The following ZNF385D variants were observed in gnomAD, a reference collection of about 807,000 sequenced individuals.
ZNF385D encodes zinc finger protein 659.
Under a neutral mutation model 35.8 loss-of-function variants are expected in ZNF385D, and 15 were observed. The observed-to-expected ratio is 0.42, with a 90% CI of 0.28 to 0.64. The LOEUF is 0.64. ZNF385D is among the 30% of genes least tolerant of loss of function. ZNF385D has a pLI of 0.23. For synonymous variants in ZNF385D, 212 were observed against 186.8 expected (o/e 1.13, Z -1.10); for missense variants, 474 against 494.6 (o/e 0.96, Z 0.39).
intron 2 of ZNF385D, among the ~76,000 whole-genome samples, chr3:21,633,668 A>G (rs1343423590): frequency 6.6e-6 from 1 of 152,110 alleles, no homozygotes; most frequent in Non-Finnish European, 1.5e-5. Flanking sequence ...TAGGCAATCA[A>G]TAAATTCATT....
At chr3:21,854,621 G>C (rs2673514) in intron 3 of ZNF385D, among the ~76,000 whole-genome samples, 115,993 of 151,776 alleles carry the variant, frequency 0.76, 44,976 homozygotes, top group African/African-American at 0.89. Context: ...TGTACCTGTA[G>C]CAGCATCTTT....
At chr3:21,450,747 T>C (rs1333951956) in intron 4 of ZNF385D, among the ~76,000 whole-genome samples, 1 of 152,214 alleles carries the variant, frequency 6.6e-6, no homozygotes, top group Non-Finnish European at 1.5e-5. Flanking sequence ...AAATGTATTT[T>C]GTCTCACACA....
intron 3 of ZNF385D, among the ~76,000 whole-genome samples, chr3:21,774,730 A>G (rs1183819066): frequency 6.6e-6 from 1 of 151,934 alleles, no homozygotes; most frequent in Non-Finnish European, 1.5e-5. Flanking sequence ...GTAATTAAGA[A>G]TAACATGATT....
Position 21,508,031 on chromosome 3 carries a change from T to G in ZNF385D, c.439+2830A>C, listed in dbSNP as rs1039945566. Among the ~76,000 whole-genome samples, 8 of 152,258 alleles carry G rather than the reference T, an allele frequency of 5.3e-5. No homozygotes were observed. The East Asian group carries it at 1.4e-3, about 26-fold the overall frequency. Reference sequence around the variant, plus strand: ...TGTTTGTTTTTTTGTTTTGTTTTGTTTTTTCCTGATATAGGTCCTCATGGA... The same window carrying G: ...TGTTTGTTTTTTTGTTTTGTTTTGTGTTTTCCTGATATAGGTCCTCATGGA... On this transcript the variant is annotated intron_variant, in intron 4 of 7. Transcript: ENST00000281523.
At chr3:22,159,422 T>C (rs1415556718) in intron 3 of ZNF385D, among the ~76,000 whole-genome samples, 2 of 152,042 alleles carry the variant, frequency 1.3e-5, no homozygotes, top group Non-Finnish European at 2.9e-5. Context: ...GAGTAACCTA[T>C]TGGATGGATT....
chr3:21,438,547 T>C (rs1701691645), intron 4 of ZNF385D, among the ~76,000 whole-genome samples: 1 of 152,078 alleles, frequency 6.6e-6, no homozygotes, highest in Admixed American at 6.6e-5. Context: ...TGGGTAAGGT[T>C]TTTCATTGCT....
intron 1 of ZNF385D, among the ~76,000 whole-genome samples, chr3:21,741,723 C>T (rs747556769): frequency 2.6e-5 from 4 of 151,948 alleles, no homozygotes; most frequent in Non-Finnish European, 5.9e-5. Context: ...AAATCAATAC[C>T]GAATTCCTCT....
intron 2 of ZNF385D, among the ~76,000 whole-genome samples, chr3:22,207,741 C>A (rs1697249212): frequency 6.6e-6 from 1 of 151,866 alleles, no homozygotes; most frequent in South Asian, 2.1e-4. Flanking sequence ...AACAACTCTA[C>A]AGGAATAAAA....
At chr3:22,266,772 A>G (rs1358995347) in intron 2 of ZNF385D, among the ~76,000 whole-genome samples, 1 of 151,916 alleles carries the variant, frequency 6.6e-6, no homozygotes, top group Non-Finnish European at 1.5e-5. Flanking sequence ...TCATTATTTG[A>G]TAAGTCTGCT....
intron 1 of ZNF385D, among the ~76,000 whole-genome samples, chr3:21,700,047 G>T (rs551801013): frequency 6.6e-6 from 1 of 152,068 alleles, no homozygotes; most frequent in South Asian, 2.1e-4. Flanking sequence ...GGCCAGGCTG[G>T]TCTCAAACTC....
intron 1 of ZNF385D, among the ~76,000 whole-genome samples, chr3:21,736,424 A>G (rs756311643): frequency 1.3e-5 from 2 of 152,250 alleles, no homozygotes; most frequent in African/African-American, 2.4e-5. Flanking sequence ...GTGGAATAAT[A>G]TAAATGTGGT....
intron 4 of ZNF385D, among the ~76,000 whole-genome samples, chr3:21,507,093 G>A (rs1363631704): frequency 6.6e-6 from 1 of 152,108 alleles, no homozygotes; most frequent in Non-Finnish European, 1.5e-5. Flanking sequence ...AATAATATAT[G>A]ACTTGAAAAT....
At chr3:22,292,660 G>A (rs1233877769) in intron 2 of ZNF385D, among the ~76,000 whole-genome samples, 1 of 152,124 alleles carries the variant, frequency 6.6e-6, no homozygotes, top group African/African-American at 2.4e-5. Flanking sequence ...GAAGGAATCA[G>A]ATACAAATGT....
chr3:22,371,088 G>A (rs779494679), intron 2 of ZNF385D, among the ~76,000 whole-genome samples: 3 of 152,270 alleles, frequency 2.0e-5, no homozygotes, highest in East Asian at 1.9e-4. Context: ...AGCAAAGCCC[G>A]GACATGCTGT....
At chr3:22,089,979 C>A (rs1701243733) in intron 3 of ZNF385D, among the ~76,000 whole-genome samples, 1 of 152,092 alleles carries the variant, frequency 6.6e-6, no homozygotes, top group Non-Finnish European at 1.5e-5. Flanking sequence ...GCTGGGACTA[C>A]AGGCGCGTGC....
chr3:21,595,123 A>G (rs1365714454), intron 2 of ZNF385D, among the ~76,000 whole-genome samples: 3 of 152,192 alleles, frequency 2.0e-5, no homozygotes, highest in Non-Finnish European at 2.9e-5. Flanking sequence ...GTGCTCACAT[A>G]CATCAGGGAA....
chr3:21,858,003 A>C (rs1696827379), intron 3 of ZNF385D, among the ~76,000 whole-genome samples: 1 of 151,878 alleles, frequency 6.6e-6, no homozygotes, highest in African/African-American at 2.4e-5. Flanking sequence ...CTCTACTAAA[A>C]ATACAAAATT....
In ZNF385D at chr3:22,205,851, G is replaced by C. The variant is rs182886154; in HGVS notation, c.107-36816C>G. Among the ~76,000 whole-genome samples the C allele has an allele frequency of 1.3e-4, 19 of 151,892 alleles. 1 individual carries two copies. In the East Asian group the frequency reaches 3.7e-3, roughly 29 times the overall value. ...GGAAGGAAAGAAAGAAGGAAGAGAA[G>C]ACCACAAAGCAACCAGAAAATAAAT... On this transcript the variant is annotated intron_variant, in intron 2 of 5. Transcript: ENST00000494108.
intron 3 of ZNF385D, among the ~76,000 whole-genome samples, chr3:22,005,429 T>A (rs1696142180): frequency 6.6e-6 from 1 of 152,062 alleles, no homozygotes; most frequent in Non-Finnish European, 1.5e-5. Context: ...TGTTCAGTAG[T>A]GTCGCAGGGT....
Sources: allele counts gnomAD v4.1 joint callset (sites outside exome capture counted in the v4.1 genomes callset), GRCh38; gene constraint gnomAD v4.1.1; transcripts MANE v1.5; gene names NCBI Gene and HGNC (gene_info 2026-07-23, HGNC 2026-07-21).